KIAA0825: variants seen among roughly 807,000 people sequenced by gnomAD.
KIAA0825 encodes the protein uncharacterized protein KIAA0825.
Under a neutral mutation model 147.6 loss-of-function variants are expected in KIAA0825, and 119 were observed. The ratio of observed to expected loss-of-function variants is 0.81; its 90% CI spans 0.69 to 0.94. The LOEUF (loss-of-function observed/expected upper bound fraction) is 0.94. Ranked by LOEUF, KIAA0825 falls within the 40% of genes least tolerant of loss-of-function variation. The pLI, the probability that KIAA0825 is intolerant of heterozygous loss-of-function variation, is 0.00. For missense variants in KIAA0825, 1,381 were observed against 1,472.7 expected (o/e 0.94, Z 1.02); for synonymous variants, 470 against 518.1 (o/e 0.91, Z 1.26).
intron 5 of KIAA0825, among the ~76,000 whole-genome samples, chr5:94,517,496 G>C (rs1345778582): frequency 6.6e-6 from 1 of 151,988 alleles, no homozygotes; most frequent in African/African-American, 2.4e-5. Context: ...CTCAACCTAA[G>C]TACAAAATCA....
In KIAA0825 at chr5:94,592,811, T is replaced by C. The variant is rs569845076; in HGVS notation, c.-152-10228A>G. 1.2e-4 allele frequency: 57 copies of C among 457,798 alleles called. No homozygotes were observed. The South Asian group carries it at 1.3e-3, about 10-fold the overall frequency. The allele number at this position is 457,798 out of a possible 1,614,324, so 28.4% of individuals were successfully genotyped here. ...TGCCTAGACTCATTGGTTACAAATA[T>C]GCTTCGGCTAAGAGCTATTTGTCCA... On this transcript the variant is annotated intron_variant, in intron 1 of 20. Coordinates refer to ENST00000682413, the MANE Select transcript of KIAA0825 (RefSeq NM_001145678.3).
At chr5:94,536,950 A>T in intron 3 of KIAA0825, 46 bp downstream of exon 3, 1 of 1,384,492 alleles carries the variant, frequency 7.2e-7, no homozygotes, top group Non-Finnish European at 1.0e-6. Context: ...ATTTCATATA[A>T]GTGAAATGTG....
intron 20 of KIAA0825, among the ~76,000 whole-genome samples, chr5:94,278,680 T>C (rs935340588): frequency 1.6e-4 from 25 of 152,140 alleles, no homozygotes; most frequent in African/African-American, 6.0e-4. Context: ...CAAAGATTTG[T>C]TGTGATTGGA....
intron 5 of KIAA0825, among the ~76,000 whole-genome samples, chr5:94,499,638 T>C (rs1283042522): frequency 2.0e-5 from 3 of 151,330 alleles, no homozygotes; most frequent in Non-Finnish European, 2.9e-5. Context: ...CCATTAATCT[T>C]AGCATAATAT....
chr5:94,355,429 T>C lies in KIAA0825; in HGVS notation c.3710+28939A>G, dbSNP rs537981019. Reference sequence around the variant, plus strand: ...TTTTCTTCTTTGTCATGTAATGTTATGCTGAGTGAGATTGGAAAGTAAGTC... The same window carrying C: ...TTTTCTTCTTTGTCATGTAATGTTACGCTGAGTGAGATTGGAAAGTAAGTC... On this transcript the variant is annotated intron_variant, in intron 20 of 20. Coordinates refer to ENST00000682413, the MANE Select transcript of KIAA0825 (RefSeq NM_001145678.3). Among the ~76,000 whole-genome samples the C allele has an allele frequency of 1.4e-4, 21 of 152,306 alleles. No homozygotes were observed. The South Asian group carries it at 2.7e-3, about 20-fold the overall frequency.
intron 12 of KIAA0825, among the ~76,000 whole-genome samples, chr5:94,455,554 T>G (rs933510188): frequency 1.3e-5 from 2 of 152,022 alleles, no homozygotes; most frequent in Admixed American, 6.6e-5. Flanking sequence ...AGGAGATGTT[T>G]GGGGGAAGGA....
chr5:94,260,517 A>G (rs1481706097), intron 20 of KIAA0825, among the ~76,000 whole-genome samples: 1 of 152,194 alleles, frequency 6.6e-6, no homozygotes, highest in East Asian at 1.9e-4. Context: ...GTCCAGGTTT[A>G]AAAGTCTTTC....
intron 14 of KIAA0825, among the ~76,000 whole-genome samples, chr5:94,423,131 A>G (rs180837925): frequency 2.0e-5 from 3 of 152,252 alleles, no homozygotes; most frequent in Non-Finnish European, 2.9e-5. Flanking sequence ...AGGAAGTCCT[A>G]TAGTTTTCGG....
chr5:94,187,520 G>A (rs1368443695), intron 20 of KIAA0825, among the ~76,000 whole-genome samples: 1 of 150,038 alleles, frequency 6.7e-6, no homozygotes, highest in Non-Finnish European at 1.5e-5. Flanking sequence ...TCCGCCTCCC[G>A]GGTTCATTCC....
intron 1 of KIAA0825, among the ~76,000 whole-genome samples, chr5:94,582,947 CT>C (rs1242102596): frequency 1.3e-5 from 2 of 152,142 alleles, no homozygotes; most frequent in Non-Finnish European, 1.5e-5. Context: ...AATCCAAATA[CT>C]TTTTTTCTTG....
chr5:94,474,905 C>T (rs998224224), intron 7 of KIAA0825, among the ~76,000 whole-genome samples: 6 of 152,020 alleles, frequency 3.9e-5, no homozygotes, highest in South Asian at 2.1e-4. Flanking sequence ...CTGGCTAACA[C>T]GGTGAAACCC....
intron 20 of KIAA0825, among the ~76,000 whole-genome samples, chr5:94,158,732 T>C (rs1002976384): frequency 1.3e-5 from 2 of 152,174 alleles, no homozygotes; most frequent in African/African-American, 4.8e-5. Context: ...AAATCCCTTA[T>C]AAGCAGTGTG....
intron 20 of KIAA0825, among the ~76,000 whole-genome samples, chr5:94,341,948 C>T (rs1216552200): frequency 6.6e-6 from 1 of 152,154 alleles, no homozygotes; most frequent in African/African-American, 2.4e-5. Context: ...AATCCCAGCA[C>T]TTTGGGAGGC....
chr5:94,356,464 T>G (rs915365676), intron 20 of KIAA0825, among the ~76,000 whole-genome samples: 4 of 150,514 alleles, frequency 2.7e-5, no homozygotes, highest in Admixed American at 2.0e-4. Flanking sequence ...AAAAAAAAAT[T>G]AGCCTGGTGT....
At chr5:94,223,947 C>T (rs1238929246) in intron 20 of KIAA0825, among the ~76,000 whole-genome samples, 3 of 152,024 alleles carry the variant, frequency 2.0e-5, no homozygotes, top group African/African-American at 7.2e-5. Context: ...CTATCCTCTG[C>T]ATTTGAAAGA....
At chr5:94,284,398 A>G (rs1294162588) in intron 20 of KIAA0825, among the ~76,000 whole-genome samples, 1 of 152,154 alleles carries the variant, frequency 6.6e-6, no homozygotes, top group Admixed American at 6.6e-5. Flanking sequence ...ACCTTAAGAC[A>G]CTGTGCACGG....
At chr5:94,253,513 CTAA>C (rs1403329248) in intron 20 of KIAA0825, among the ~76,000 whole-genome samples, 1 of 152,050 alleles carries the variant, frequency 6.6e-6, no homozygotes, top group Non-Finnish European at 1.5e-5. Flanking sequence ...CATCATGGAG[CTAA>C]TTTCCAGTAT....
At chr5:94,254,368 T>C (rs1776130559) in intron 20 of KIAA0825, among the ~76,000 whole-genome samples, 1 of 152,150 alleles carries the variant, frequency 6.6e-6, no homozygotes, top group Admixed American at 6.5e-5. Flanking sequence ...CAGTTAGCTT[T>C]ACTTTGTTCT....
In KIAA0825 at chr5:94,520,645, C is replaced by A; in HGVS notation, c.573G>T (p.Leu191Phe). The A allele has an allele frequency of 6.2e-7, 1 of 1,613,168 alleles. No individual in the cohort carries two copies. Among genetic ancestry groups the A allele is most frequent in the South Asian group, 1.1e-5 (1 of 91,034 alleles). ...AGAGTTGTTGTAAGCACTGCTTTTTCAATAAAATTTTTTGCTGTGAATTGT... is the reference window on the plus strand; with the variant it reads ...AGAGTTGTTGTAAGCACTGCTTTTTAAATAAAATTTTTTGCTGTGAATTGT... ...EINNSQQKIL[L>F]KKQCLQQLLF... Residue 191 changes from leucine to phenylalanine, a missense_variant, in exon 5 of 21, where the codon TTG becomes TTT. Transcript: ENST00000682413.
Sources: gnomAD v4.1 joint callset for allele counts (sites outside exome capture counted in the v4.1 genomes callset) on GRCh38, gnomAD v4.1.1 for gene constraint, MANE v1.5 for transcripts, NCBI Gene and HGNC (gene_info 2026-07-23, HGNC 2026-07-21) for gene names.